The following CDH4 variants were observed in gnomAD, a reference collection of about 807,000 sequenced individuals.
The protein encoded by CDH4 is cadherin-4.
CDH4 carries 33 observed loss-of-function variants against 86.0 expected under a neutral mutation model. The observed-to-expected ratio is 0.38, with a 90% CI of 0.29 to 0.51. CDH4 has a LOEUF of 0.51. Ranked by LOEUF, CDH4 falls within the 20% of genes least tolerant of loss-of-function variation. The pLI is 0.86. For synonymous variants in CDH4, 555 were observed against 549.4 expected (o/e 1.01, Z -0.14); for missense variants, 1,114 against 1,307.4 (o/e 0.85, Z 2.28).
chr20:61,364,710 G>T (rs1470267060), intron 2 of CDH4, among the ~76,000 whole-genome samples: 1 of 152,212 alleles, frequency 6.6e-6, no homozygotes, highest in African/African-American at 2.4e-5. Flanking sequence ...TCTGACCTCT[G>T]TCTTGCTTCT....
At chr20:61,626,574 A>T (rs2145781700) in intron 2 of CDH4, among the ~76,000 whole-genome samples, 1 of 152,300 alleles carries the variant, frequency 6.6e-6, no homozygotes, top group Admixed American at 6.5e-5. Context: ...CTCCTCTGTG[A>T]GCTGGCTGGC....
chr20:61,298,155 C>T (rs1037058540), intron 2 of CDH4, among the ~76,000 whole-genome samples: 6 of 152,216 alleles, frequency 3.9e-5, no homozygotes, highest in Admixed American at 3.3e-4. Flanking sequence ...GGCGCCAGAG[C>T]TGACCTGGCA....
chr20:61,803,143 C>T (rs868782397), intron 4 of CDH4, among the ~76,000 whole-genome samples: 11 of 152,176 alleles, frequency 7.2e-5, no homozygotes, highest in African/African-American at 2.2e-4. Flanking sequence ...CCGTCGTTGA[C>T]GGTGTGTCCG....
chr20:61,515,872 C>T (rs1397886976), intron 2 of CDH4, among the ~76,000 whole-genome samples: 3 of 152,154 alleles, frequency 2.0e-5, no homozygotes, highest in Non-Finnish European at 2.9e-5. Flanking sequence ...CTCATTTGCT[C>T]GCTCGCTCTC....
chr20:61,830,482 G>T (rs1452570635), intron 4 of CDH4, among the ~76,000 whole-genome samples: 2 of 151,818 alleles, frequency 1.3e-5, no homozygotes, highest in Admixed American at 6.6e-5. Flanking sequence ...ACCTCCCAAG[G>T]CCCCCCAGGA....
At position 61,797,341 on chromosome 20, in the gene CDH4, C is replaced by T. The variant is rs116720131; in HGVS notation, c.576+24159C>T. 3.1e-3 allele frequency among the ~76,000 whole-genome samples: 465 copies of T among 152,294 alleles called. 4 individuals carry two copies. Among genetic ancestry groups the T allele is most frequent in the African/African-American group, 0.011 (449 of 41,558 alleles). ...CGCCATCCACTGCCCAGGGTGGGGACGAGCAGGAAAGAGGCTGAAACTGCA... is the reference window on the plus strand; with the variant it reads ...CGCCATCCACTGCCCAGGGTGGGGATGAGCAGGAAAGAGGCTGAAACTGCA... On this transcript the variant is annotated intron_variant, in intron 4 of 15. Coordinates refer to ENST00000614565, the MANE Select transcript of CDH4 (RefSeq NM_001794.5).
intron 2 of CDH4, among the ~76,000 whole-genome samples, chr20:61,261,029 G>A (rs756660717): frequency 9.2e-5 from 14 of 152,138 alleles, no homozygotes; most frequent in Non-Finnish European, 1.0e-4. Context: ...CTGCCGCCCC[G>A]GGCTCTGCAC....
chr20:61,327,671 C>T (rs572628412), intron 2 of CDH4, among the ~76,000 whole-genome samples: 4 of 152,226 alleles, frequency 2.6e-5, no homozygotes, highest in Admixed American at 6.5e-5. Flanking sequence ...TTGGATGGTC[C>T]TTTGACAGCA....
chr20:61,783,111 C>T (rs528019805), intron 4 of CDH4, among the ~76,000 whole-genome samples: 6 of 152,262 alleles, frequency 3.9e-5, no homozygotes, highest in East Asian at 3.9e-4. Context: ...TTTATATATG[C>T]GTCAATGAAA....
chr20:61,936,663 C>T (rs188059008), intron 15 of CDH4, 74 bp from the exon 16 acceptor site: 93 of 1,280,934 alleles, frequency 7.3e-5, no homozygotes, highest in African/African-American at 1.5e-4. Flanking sequence ...TTCTGGGCCT[C>T]GCTTTCCGTT....
chr20:61,698,538 C>T (rs537898439), intron 2 of CDH4, among the ~76,000 whole-genome samples: 1 of 152,232 alleles, frequency 6.6e-6, no homozygotes, highest in African/African-American at 2.4e-5. Context: ...CTTGGTCAGG[C>T]GGTCAGCAGC....
At chr20:61,884,398 G>A (rs1354866830) in intron 7 of CDH4, among the ~76,000 whole-genome samples, 1 of 152,244 alleles carries the variant, frequency 6.6e-6, no homozygotes, top group Non-Finnish European at 1.5e-5. Context: ...TCCTGCAGGA[G>A]GCAAAGTCTG....
intron 2 of CDH4, among the ~76,000 whole-genome samples, chr20:61,407,250 G>C (rs2085089398): frequency 6.6e-6 from 1 of 152,220 alleles, no homozygotes; most frequent in Non-Finnish European, 1.5e-5. Context: ...TTCCGTATGT[G>C]GCTGGGTTCT....
chr20:61,778,646 T>C (rs531846597), intron 4 of CDH4, among the ~76,000 whole-genome samples: 494 of 152,018 alleles, frequency 3.2e-3, no homozygotes, highest in African/African-American at 0.012. Flanking sequence ...GAGTGGTGAG[T>C]GAGGAGGTGT....
At chr20:61,446,828 T>TAC (rs533821702) in intron 2 of CDH4, among the ~76,000 whole-genome samples, 220 of 152,330 alleles carry the variant, frequency 1.4e-3, no homozygotes, top group Non-Finnish European at 2.6e-3. Flanking sequence ...ATTATATATA[T>TAC]ACCTTAATAA....
chr20:61,738,210 AAC>A (rs1170780960), intron 2 of CDH4: 1 of 152,190 alleles, frequency 6.6e-6, no homozygotes, highest in Non-Finnish European at 1.5e-5. Flanking sequence ...TACATGTTTA[AAC>A]AGTTAGATTT....
chr20:61,725,922 G>A (rs2088105409), intron 2 of CDH4, among the ~76,000 whole-genome samples: 1 of 152,222 alleles, frequency 6.6e-6, no homozygotes, highest in Admixed American at 6.5e-5. Context: ...GAAATAGCCT[G>A]GCCGGTCCTG....
chr20:61,938,928 T>A lies in CDH4; in HGVS notation c.*1985T>A, dbSNP rs2123034521. On this transcript the variant is annotated 3_prime_UTR_variant, in exon 16 of 16. Transcript: ENST00000614565. The stretch of plus-strand genomic sequence containing the variant: ...GGAGGGCGGGGTTCACTGTGCCACG[T>A]GCTGGGTGCCCCCCTCTGCAGACAG... 1 of 152,384 alleles carries A rather than the reference T, an allele frequency of 6.6e-6. No homozygotes were observed. The highest frequency in any genetic ancestry group is 2.1e-4 in the South Asian group (1 of 4,826). The allele number at this position is 152,384 out of a possible 1,614,324, so 9.4% of individuals were successfully genotyped here.
intron 4 of CDH4, among the ~76,000 whole-genome samples, chr20:61,805,666 G>A: frequency 6.6e-6 from 1 of 152,202 alleles, no homozygotes; most frequent in East Asian, 1.9e-4. Context: ...CCGCATGGCA[G>A]AGGTATGTTT....
Sources: allele counts gnomAD v4.1 joint callset (sites outside exome capture counted in the v4.1 genomes callset), GRCh38; gene constraint gnomAD v4.1.1; transcripts MANE v1.5; gene names NCBI Gene and HGNC (gene_info 2026-07-23, HGNC 2026-07-21).